CCDC149: variants seen among roughly 807,000 people sequenced by gnomAD.
CCDC149 encodes coiled-coil domain-containing protein 149.
In CCDC149, 45 loss-of-function variants were observed where a neutral mutation model predicts 59.9. That is an observed-to-expected ratio of 0.75 (90% CI 0.59 to 0.96). CCDC149 has a LOEUF of 0.96. Ranked by LOEUF, CCDC149 falls within the 40% of genes least tolerant of loss-of-function variation. The pLI is 0.00. For missense variants in CCDC149, 584 were observed against 664.7 expected, an observed-to-expected ratio of 0.88 and a Z score of 1.33; for synonymous variants, 245 against 260.6, an observed-to-expected ratio of 0.94 and a Z score of 0.58.
intron 1 of CCDC149, among the ~76,000 whole-genome samples, chr4:24,954,046 A>G (rs1723391643): frequency 1.3e-5 from 2 of 152,306 alleles, no homozygotes. Flanking sequence ...TAAAGAACCT[A>G]TAGGACACAT....
chr4:24,856,421 G>A (rs953498651), intron 3 of CCDC149, among the ~76,000 whole-genome samples: 8 of 152,126 alleles, frequency 5.3e-5, no homozygotes, highest in African/African-American at 9.7e-5. Context: ...ATGCTGCAGA[G>A]AAAAATAAAG....
At chr4:24,978,255 C>G (rs1047172295) in intron 1 of CCDC149, among the ~76,000 whole-genome samples, 33 of 152,176 alleles carry the variant, frequency 2.2e-4, no homozygotes, top group Non-Finnish European at 3.5e-4. Flanking sequence ...AAGTGTAAAA[C>G]ACACATCAGC....
chr4:24,835,794 T>C (rs1207939803), intron 7 of CCDC149, among the ~76,000 whole-genome samples: 1 of 152,098 alleles, frequency 6.6e-6, no homozygotes, highest in Non-Finnish European at 1.5e-5. Context: ...TCTAGACGGC[T>C]GTAAAACTTC....
chr4:24,831,418 G>A lies in CCDC149; in HGVS notation c.965+88C>T, dbSNP rs547418866. 30 of 1,384,146 alleles carry A rather than the reference G, an allele frequency of 2.2e-5. 1 individual carries two copies. Among genetic ancestry groups the A allele is most frequent in the Middle Eastern group, 2.4e-4 (1 of 4,108 alleles). 85.7% of individuals were successfully genotyped at this position (1,384,146 alleles called of 1,614,324 possible). ...GGGGTCTCACCTTCCCTGCAGGTCC[G>A]TCGTTCCAGCTGGTTGACATTCACT... On this transcript the variant is annotated intron_variant, in intron 9 of 12. Transcript: ENST00000635206.
chr4:24,837,173 G>T lies in CCDC149; in HGVS notation c.662+55C>A. 1 of 1,550,304 alleles carries T rather than the reference G, an allele frequency of 6.5e-7. No individual in the cohort carries two copies. Among genetic ancestry groups the T allele is most frequent in the Non-Finnish European group, 8.8e-7 (1 of 1,131,448 alleles). On this transcript the variant is annotated intron_variant, in intron 6 of 12. Coordinates refer to ENST00000635206, the MANE Select transcript of CCDC149 (RefSeq NM_001330643.2). The surrounding 1 kb of genome is among the most constrained non-coding windows in gnomAD (Gnocchi z 4.3). The stretch of plus-strand genomic sequence containing the variant: ...GGCTGCAAATAACTCCCAGCCTGCA[G>T]GCCTGTGCAGAGCCAGCCTTCCTCC...
At chr4:24,968,166 C>T (rs1723857844) in intron 1 of CCDC149, among the ~76,000 whole-genome samples, 1 of 152,214 alleles carries the variant, frequency 6.6e-6, no homozygotes, top group Non-Finnish European at 1.5e-5. Flanking sequence ...GTGCATGTGA[C>T]CACAGATGAT....
intron 1 of CCDC149, among the ~76,000 whole-genome samples, chr4:24,954,810 A>G (rs1221333898): frequency 6.6e-6 from 1 of 152,222 alleles, no homozygotes; most frequent in Non-Finnish European, 1.5e-5. Context: ...CTTGATGAAT[A>G]GCACCTGGGT....
intron 1 of CCDC149, among the ~76,000 whole-genome samples, chr4:24,952,815 C>T (rs1723355451): frequency 6.6e-6 from 1 of 151,560 alleles, no homozygotes; most frequent in Non-Finnish European, 1.5e-5. Flanking sequence ...CTCTGTACCC[C>T]TTAAATAACT....
At chr4:24,884,301 T>C (rs911271863) in intron 1 of CCDC149, among the ~76,000 whole-genome samples, 1 of 152,232 alleles carries the variant, frequency 6.6e-6, no homozygotes, top group African/African-American at 2.4e-5. Flanking sequence ...GAGTATTCAG[T>C]ACAGGCATAT....
chr4:24,827,494 C>T (rs971588986), intron 9 of CCDC149: 1 of 152,256 alleles, frequency 6.6e-6, no homozygotes, highest in Non-Finnish European at 1.5e-5. Flanking sequence ...ACCTCCCCGC[C>T]ATGGTAAGGC....
At chr4:24,825,339 T>C (rs1715658925) in intron 9 of CCDC149, among the ~76,000 whole-genome samples, 2 of 152,168 alleles carry the variant, frequency 1.3e-5, no homozygotes, top group South Asian at 4.1e-4. Flanking sequence ...GCACAGATGC[T>C]CCCTTGGTGT....
At chr4:24,961,939 CA>C (rs1373516815) in intron 1 of CCDC149, among the ~76,000 whole-genome samples, 1 of 151,638 alleles carries the variant, frequency 6.6e-6, no homozygotes, top group East Asian at 1.9e-4. Flanking sequence ...GCAATGGCAA[CA>C]AAAGCCAAAA....
At position 24,808,789 on chromosome 4, in the gene CCDC149, C is replaced by G. The variant is rs999034734; in HGVS notation, c.1223G>C (p.Ser408Thr). 2.3e-5 allele frequency: 35 copies of G among 1,550,096 alleles called. No individual in the cohort carries two copies. The highest frequency in any genetic ancestry group is 1.2e-4 in the African/African-American group (9 of 72,842). Reference sequence around the variant, plus strand: ...TGTCAACGCCTCAGCAGCGGCACAACTTTCATCTTCTTCTTGCTTCTGAGC... The same window carrying G: ...TGTCAACGCCTCAGCAGCGGCACAAGTTTCATCTTCTTCTTGCTTCTGAGC... The change falls in exon 13 of 13, where the codon AGT (serine) becomes ACT (threonine). Residue 408 changes from serine (S) to threonine (T), a missense_variant. Transcript: ENST00000635206.
At chr4:24,833,995 C>T (rs183559137) in intron 8 of CCDC149, among the ~76,000 whole-genome samples, 1 of 152,336 alleles carries the variant, frequency 6.6e-6, no homozygotes, top group Admixed American at 6.5e-5. Context: ...TGGGTATCAA[C>T]ATTCAAAGAT....
intron 1 of CCDC149, among the ~76,000 whole-genome samples, chr4:24,884,718 T>C (rs746347464): frequency 2.0e-5 from 3 of 152,218 alleles, no homozygotes; most frequent in Admixed American, 2.0e-4. Context: ...AGTTTCTCCA[T>C]TTTTAAATGA....
intron 9 of CCDC149, among the ~76,000 whole-genome samples, chr4:24,826,051 G>A (rs952256275): frequency 1.3e-4 from 20 of 151,870 alleles, no homozygotes; most frequent in African/African-American, 4.1e-4. Context: ...TGCCTCCTGG[G>A]TTCAAGCAAT....
chr4:24,845,780 G>A (rs192252783), intron 4 of CCDC149, among the ~76,000 whole-genome samples: 2 of 152,290 alleles, frequency 1.3e-5, no homozygotes, highest in Admixed American at 1.3e-4. Context: ...CCATTGTACA[G>A]ATGAGAACAA....
chr4:24,958,367 C>T (rs73250650), intron 1 of CCDC149, among the ~76,000 whole-genome samples: 26,865 of 152,148 alleles, frequency 0.18, 3,199 homozygotes, highest in African/African-American at 0.32. Context: ...CCTCAGACTA[C>T]CTATCTGAAG....
intron 1 of CCDC149, among the ~76,000 whole-genome samples, chr4:24,906,401 T>TTTTATTTTCTTTTATTTTATTTTA (rs1721531209): frequency 9.8e-6 from 1 of 102,106 alleles, no homozygotes. Flanking sequence ...TTTTATTTTA[T>TTTTATTTTCTTTTATTTTATTTTA]TTTATTTTAC....
Sources: allele counts gnomAD v4.1 joint callset (sites outside exome capture counted in the v4.1 genomes callset), GRCh38; gene constraint gnomAD v4.1.1; non-coding constraint Gnocchi (gnomAD v3.1); transcripts MANE v1.5; gene names NCBI Gene and HGNC (gene_info 2026-07-23, HGNC 2026-07-21).